LINGO2: variants seen among roughly 807,000 people sequenced by gnomAD.
The protein encoded by LINGO2 is leucine rich repeat and Ig domain containing 2, also known as leucine-rich repeat and immunoglobulin-like domain-containing nogo receptor-interacting protein 2.
In LINGO2, 14 loss-of-function variants were observed where a neutral mutation model predicts 30.6. The observed-to-expected ratio is 0.46, with a 90% CI of 0.30 to 0.72. The LOEUF (loss-of-function observed/expected upper bound fraction) is 0.72. Among genes scored for constraint, LINGO2 ranks in the 30% least tolerant of loss-of-function variants. LINGO2 has a pLI of 0.07. For missense variants in LINGO2, 729 were observed against 751.7 expected, an observed-to-expected ratio of 0.97 and a Z score of 0.35; for synonymous variants, 317 against 288.5, an observed-to-expected ratio of 1.10 and a Z score of -1.00.
intron 1 of LINGO2, among the ~76,000 whole-genome samples, chr9:28,573,461 A>G (rs1251126308): frequency 6.6e-6 from 1 of 152,162 alleles, no homozygotes; most frequent in African/African-American, 2.4e-5. Flanking sequence ...TCAACCACAC[A>G]ATAAATTCCT....
At chr9:28,093,529 G>GT (rs1033112473) in intron 4 of LINGO2, among the ~76,000 whole-genome samples, 24 of 148,620 alleles carry the variant, frequency 1.6e-4, no homozygotes, top group African/African-American at 3.7e-4. Flanking sequence ...CTAAACATTA[G>GT]TTTTTTTTTT....
At chr9:28,600,775 G>A (rs1167267017) in intron 1 of LINGO2, among the ~76,000 whole-genome samples, 1 of 151,962 alleles carries the variant, frequency 6.6e-6, no homozygotes, top group Non-Finnish European at 1.5e-5. Context: ...ACTGCATAGA[G>A]GCACGAGAAT....
At chr9:28,260,858 A>G (rs912157605) in intron 4 of LINGO2, among the ~76,000 whole-genome samples, 2 of 152,000 alleles carry the variant, frequency 1.3e-5, no homozygotes, top group African/African-American at 4.8e-5. Flanking sequence ...TTTATAAATC[A>G]ACTGGATATT....
chr9:27,965,136 T>C (rs182204450), intron 5 of LINGO2, among the ~76,000 whole-genome samples: 1 of 152,216 alleles, frequency 6.6e-6, no homozygotes. Context: ...GGATTCCATA[T>C]AATCCTGTTG....
At position 28,107,460 on chromosome 9, in the gene LINGO2, A is replaced by G. The variant is rs549293733; in HGVS notation, c.-86-95055T>C. Among the ~76,000 whole-genome samples, 5 of 152,240 alleles carry G rather than the reference A, an allele frequency of 3.3e-5. No individual in the cohort carries two copies. In the East Asian group the frequency reaches 5.8e-4, roughly 18 times the overall value. ...TCAATTATTGGTTAATCTATAAATC[A>G]TTGAGTTGGGTTAGAGACACTCTAA... On this transcript the variant is annotated intron_variant, in intron 4 of 5. Transcript: ENST00000379992.
At chr9:29,060,033 A>C in the LINGO2 span, among the ~76,000 whole-genome samples, 3 of 152,114 alleles carry the variant, frequency 2.0e-5, no homozygotes, top group African/African-American at 7.2e-5. Context: ...AAAATTTAAC[A>C]AAAGCAGGCA....
rs560532085 is a variant in LINGO2, at chr9:28,050,178, A to G, written c.-86-37773T>C. Among the ~76,000 whole-genome samples, 31 of 150,694 alleles carry G rather than the reference A, an allele frequency of 2.1e-4. 1 individual carries two copies. The highest frequency in any genetic ancestry group is 7.4e-4 in the African/African-American group (30 of 40,790). On this transcript the variant is annotated intron_variant, in intron 4 of 5. Coordinates refer to ENST00000379992, the Ensembl canonical transcript of LINGO2. The stretch of plus-strand genomic sequence containing the variant: ...GAGTGAAGCAACTAAAATTCTGAAT[A>G]AAAAGGAGGAACAAATTGAGGGAAG...
chr9:28,286,024 T>A (rs1195830662), intron 4 of LINGO2, among the ~76,000 whole-genome samples: 1 of 152,188 alleles, frequency 6.6e-6, no homozygotes. Flanking sequence ...GGCAACATGA[T>A]ACCTAATAAA....
At chr9:28,795,470 AT>A in the LINGO2 span, among the ~76,000 whole-genome samples, 1 of 152,108 alleles carries the variant, frequency 6.6e-6, no homozygotes, top group African/African-American at 2.4e-5. Context: ...AAGGGGGGAA[AT>A]ATAACAATTA....
At chr9:28,149,083 T>C in intron 4 of LINGO2, 1 of 1,533,990 alleles carries the variant, frequency 6.5e-7, no homozygotes, top group Non-Finnish European at 8.7e-7. Flanking sequence ...TGTTGGTGGG[T>C]CAGGCTTCCC....
Position 28,149,026 on chromosome 9 carries a change from C to T in LINGO2, c.-86-136621G>A, listed in dbSNP as rs374654600. ...CCCTGCAACTGAGGTGGGATAGAGA[C>T]GAGGGGCCCCCACCGGCTAAGCTTC... On this transcript the variant is annotated intron_variant, in intron 4 of 5. Transcript: ENST00000379992. 3.3e-4 allele frequency: 502 copies of T among 1,534,268 alleles called. 1 individual carries two copies. The Middle Eastern group carries it at 3.9e-3, about 12-fold the overall frequency.
chr9:28,474,864 T>C (rs1160244746), intron 2 of LINGO2, among the ~76,000 whole-genome samples: 1 of 152,208 alleles, frequency 6.6e-6, no homozygotes, highest in Non-Finnish European at 1.5e-5. Flanking sequence ...GGAGAAAGTA[T>C]GAAAAATGTT....
chr9:28,418,064 T>C (rs940958374), intron 2 of LINGO2, among the ~76,000 whole-genome samples: 25 of 152,084 alleles, frequency 1.6e-4, no homozygotes, highest in Admixed American at 1.3e-4. Flanking sequence ...TTCCATTTTT[T>C]CCCCCAGTGG....
chr9:29,007,984 T>G, the LINGO2 span, among the ~76,000 whole-genome samples: 1 of 152,122 alleles, frequency 6.6e-6, no homozygotes, highest in Non-Finnish European at 1.5e-5. Flanking sequence ...CATGCAGGTT[T>G]GTTACATATG....
intron 1 of LINGO2, among the ~76,000 whole-genome samples, chr9:28,523,464 G>T (rs2135406205): frequency 6.6e-6 from 1 of 152,016 alleles, no homozygotes; most frequent in African/African-American, 2.4e-5. Context: ...GGACAATTAG[G>T]CAACAACAAT....
intron 1 of LINGO2, among the ~76,000 whole-genome samples, chr9:28,478,660 G>T (rs557524610): frequency 3.3e-5 from 5 of 151,960 alleles, no homozygotes; most frequent in African/African-American, 1.2e-4. Flanking sequence ...TTTTTTAAAC[G>T]TACATTTTCC....
chr9:29,113,376 G>A, the LINGO2 span, among the ~76,000 whole-genome samples: 1 of 152,136 alleles, frequency 6.6e-6, no homozygotes, highest in Admixed American at 6.5e-5. Flanking sequence ...TAAGAAATCA[G>A]AAGTTTACAT....
At position 28,145,999 on chromosome 9, in the gene LINGO2, G is replaced by A. The variant is rs148027192; in HGVS notation, c.-86-133594C>T. Among the ~76,000 whole-genome samples, 1,052 of 152,290 alleles carry A rather than the reference G, an allele frequency of 6.9e-3. 9 individuals are homozygous for A. The highest frequency in any genetic ancestry group is 0.024 in the African/African-American group (980 of 41,552). On this transcript the variant is annotated intron_variant, in intron 4 of 5. Coordinates refer to ENST00000379992, the Ensembl canonical transcript of LINGO2. ...CCATGTCTTTGGTGAGCAGACAGAT[G>A]GGAAGGGCCACAGTTGTACAGCATT...
chr9:28,722,502 G>A, the LINGO2 span, among the ~76,000 whole-genome samples: 19 of 152,202 alleles, frequency 1.2e-4, no homozygotes, highest in African/African-American at 4.6e-4. Context: ...AAAAAGTTCA[G>A]TCAGTGGCAT....
Sources: gnomAD v4.1 joint callset for allele counts (sites outside exome capture counted in the v4.1 genomes callset) on GRCh38, gnomAD v4.1.1 for gene constraint, MANE v1.5 for transcripts, NCBI Gene and HGNC (gene_info 2026-07-23, HGNC 2026-07-21) for gene names.